Variants in RNGTT observed in about 807,000 individuals in gnomAD.
RNGTT encodes the protein RNA guanylyltransferase and 5'-phosphatase.
A neutral mutation model predicts 79.3 loss-of-function variants in RNGTT; 33 were observed. That is an observed-to-expected ratio of 0.42 (90% CI 0.32 to 0.56). The LOEUF (loss-of-function observed/expected upper bound fraction) is 0.56. Among genes scored for constraint, RNGTT ranks in the 20% least tolerant of loss-of-function variants. RNGTT has a pLI of 0.17. For missense variants in RNGTT, 497 were observed against 739.1 expected (o/e 0.67, Z 3.80); for synonymous variants, 222 against 235.9 (o/e 0.94, Z 0.54).
intron 4 of RNGTT, among the ~76,000 whole-genome samples, chr6:88,918,557 C>A (rs1784069333): frequency 6.6e-6 from 1 of 151,156 alleles, no homozygotes; most frequent in Non-Finnish European, 1.5e-5. Context: ...CAAAGCTTGA[C>A]AATAATAGAA....
intron 13 of RNGTT, among the ~76,000 whole-genome samples, chr6:88,726,555 C>T (rs139829927): frequency 2.0e-5 from 3 of 150,558 alleles, no homozygotes; most frequent in Non-Finnish European, 3.0e-5. Flanking sequence ...TACAAAGGTC[C>T]GACCAAACCT....
intron 11 of RNGTT, among the ~76,000 whole-genome samples, chr6:88,813,354 C>G (rs533046049): frequency 6.6e-6 from 1 of 152,312 alleles, no homozygotes; most frequent in South Asian, 2.1e-4. Context: ...CCTCTCCTCT[C>G]CTTCCACCAA....
At chr6:88,636,380 C>T (rs913347909) in intron 14 of RNGTT, among the ~76,000 whole-genome samples, 8 of 151,890 alleles carry the variant, frequency 5.3e-5, no homozygotes, top group Non-Finnish European at 1.2e-4. Flanking sequence ...CTAGATCAAA[C>T]CTATAAAAAT....
At chr6:88,632,523 C>A (rs757855327) in intron 14 of RNGTT, among the ~76,000 whole-genome samples, 1 of 129,264 alleles carries the variant, frequency 7.7e-6, no homozygotes, top group Non-Finnish European at 1.6e-5. Flanking sequence ...TAGCAACCAA[C>A]TACAGACACA....
rs137970528 is a variant in RNGTT at position 88,700,712 on chromosome 6, C to A, written c.1440-22293G>T. Among the ~76,000 whole-genome samples, 42 of 152,248 alleles carry A rather than the reference C, an allele frequency of 2.8e-4. 1 individual carries two copies. The East Asian group carries it at 7.9e-3, about 29-fold the overall frequency. ...AGCTGTGGAAAGGTGGGCCTGAAAT[C>A]ATGGAGTAGACAGGATTCCTAACTG... On this transcript the variant is annotated intron_variant, in intron 13 of 15. Coordinates refer to ENST00000369485, the MANE Select transcript of RNGTT (RefSeq NM_003800.5).
At chr6:88,928,634 C>A (rs1784393273) in intron 4 of RNGTT, among the ~76,000 whole-genome samples, 1 of 152,092 alleles carries the variant, frequency 6.6e-6, no homozygotes, top group South Asian at 2.1e-4. Context: ...CATCACCATA[C>A]ATTGCTCTCA....
At chr6:88,890,651 A>T (rs1045368169) in intron 7 of RNGTT, 55 bp from the exon 8 acceptor site, 12 of 1,211,180 alleles carry the variant, frequency 9.9e-6, no homozygotes, top group Non-Finnish European at 1.3e-5. Flanking sequence ...AAAGCAATAC[A>T]TGTCTTAAAC....
rs746130897 is a variant in RNGTT, at chr6:88,614,376, T to C, written c.1526A>G (p.Gln509Arg). 10 of 1,613,544 alleles carry C rather than the reference T, an allele frequency of 6.2e-6. No homozygotes were observed. The highest frequency in any genetic ancestry group is 8.5e-6 in the Non-Finnish European group (10 of 1,179,646). The change falls in exon 15 of 16, where the codon CAG becomes CGG. Residue 509 changes from glutamine (Q) to arginine (R), a missense_variant. Coordinates refer to ENST00000369485, the MANE Select transcript of RNGTT (RefSeq NM_003800.5). ...AQIKVTKELK[Q>R]YDNKIIECKF... ...GCATTCTATAATTTTGTTGTCATAC[T>C]GTTTCAGCTCTTTTGTCACCTGTTT...
intron 4 of RNGTT, among the ~76,000 whole-genome samples, chr6:88,925,208 T>G (rs1020585618): frequency 6.6e-6 from 1 of 152,172 alleles, no homozygotes; most frequent in Non-Finnish European, 1.5e-5. Context: ...ATTAGATGCA[T>G]GACCATGGGC....
chr6:88,707,757 A>G (rs74893855), intron 13 of RNGTT, among the ~76,000 whole-genome samples: 5 of 151,430 alleles, frequency 3.3e-5, no homozygotes, highest in Non-Finnish European at 7.4e-5. Flanking sequence ...ACTGTAAAAA[A>G]TCCACCATTC....
intron 13 of RNGTT, among the ~76,000 whole-genome samples, chr6:88,717,376 G>C (rs992413276): frequency 1.3e-5 from 2 of 152,160 alleles, no homozygotes; most frequent in Non-Finnish European, 2.9e-5. Flanking sequence ...AAATCACAAA[G>C]ATCTCAGATG....
chr6:88,906,241 A>C (rs1783650066), intron 5 of RNGTT, 124 bp downstream of exon 5: 1 of 627,764 alleles, frequency 1.6e-6, no homozygotes, highest in Non-Finnish European at 2.8e-6. Flanking sequence ...TAAAATGAAA[A>C]GCAGTTCAAA....
chr6:88,693,278 GAA>G (rs778989774), intron 13 of RNGTT, among the ~76,000 whole-genome samples: 1 of 151,978 alleles, frequency 6.6e-6, no homozygotes, highest in Non-Finnish European at 1.5e-5. Context: ...AGAAATGAAA[GAA>G]GAGATATTAC....
At chr6:88,672,797 G>A (rs1317451761) in intron 14 of RNGTT, among the ~76,000 whole-genome samples, 3 of 152,176 alleles carry the variant, frequency 2.0e-5, no homozygotes. Flanking sequence ...AGACTATGCT[G>A]AAGTCCCAAG....
In RNGTT at chr6:88,627,057, C is replaced by A. The variant is rs572994085; in HGVS notation, c.1507-12662G>T. ...ATCCACCATTAACATGAGGAGGAGG[C>A]TAAAAAATGCAATATGCATGTCTAA... On this transcript the variant is annotated intron_variant, in intron 14 of 15. Transcript: ENST00000369485. Among the ~76,000 whole-genome samples the A allele has an allele frequency of 3.9e-4, 59 of 151,216 alleles. 1 individual carries two copies. The South Asian group carries it at 0.012, about 30-fold the overall frequency.
At chr6:88,661,066 T>A (rs939673990) in intron 14 of RNGTT, among the ~76,000 whole-genome samples, 1 of 152,152 alleles carries the variant, frequency 6.6e-6, no homozygotes, top group Non-Finnish European at 1.5e-5. Context: ...TCCTGAATGA[T>A]CTTTGGGTCA....
intron 13 of RNGTT, among the ~76,000 whole-genome samples, chr6:88,688,304 A>G (rs776383205): frequency 2.0e-5 from 3 of 152,226 alleles, no homozygotes; most frequent in Non-Finnish European, 4.4e-5. Context: ...ATGTTGGATA[A>G]GGACTATCAG....
chr6:88,908,150 T>C (rs1387269265), intron 4 of RNGTT, among the ~76,000 whole-genome samples: 1 of 152,178 alleles, frequency 6.6e-6, no homozygotes, highest in Middle Eastern at 3.2e-3. Flanking sequence ...ACAAAACTTC[T>C]AGAAGAAAAT....
At chr6:88,797,183 A>T (rs1328152675) in intron 12 of RNGTT, among the ~76,000 whole-genome samples, 3 of 152,196 alleles carry the variant, frequency 2.0e-5, no homozygotes, top group Non-Finnish European at 2.9e-5. Flanking sequence ...GGCTTGATTT[A>T]TTACGAGATA....
Sources: allele counts gnomAD v4.1 joint callset (sites outside exome capture counted in the v4.1 genomes callset), GRCh38; gene constraint gnomAD v4.1.1; transcripts MANE v1.5; gene names NCBI Gene and HGNC (gene_info 2026-07-23, HGNC 2026-07-21).